SLC24A2: variants seen among roughly 807,000 people sequenced by gnomAD.
SLC24A2 encodes the protein solute carrier family 24 member 2.
A neutral mutation model predicts 62.0 loss-of-function variants in SLC24A2; 36 were observed. The observed-to-expected ratio is 0.58, with a 90% CI of 0.44 to 0.77. The LOEUF (loss-of-function observed/expected upper bound fraction) is 0.77. Among genes scored for constraint, SLC24A2 ranks in the 30% least tolerant of loss-of-function variants. The probability of loss-of-function intolerance (pLI) is 0.00; values close to 1 mark genes in which losing one functional copy is unlikely to be tolerated. For missense variants in SLC24A2, 846 were observed against 817.9 expected, an observed-to-expected ratio of 1.03 and a Z score of -0.42; for synonymous variants, 358 against 294.0, an observed-to-expected ratio of 1.22 and a Z score of -2.23.
chr9:19,770,556 T>C (rs1822654941), intron 2 of SLC24A2, among the ~76,000 whole-genome samples: 1 of 152,178 alleles, frequency 6.6e-6, no homozygotes, highest in Non-Finnish European at 1.5e-5. Flanking sequence ...TCCATTCCTA[T>C]TACCTTACTA....
chr9:19,972,999 T>C, the SLC24A2 span, among the ~76,000 whole-genome samples: 1 of 152,172 alleles, frequency 6.6e-6, no homozygotes, highest in Non-Finnish European at 1.5e-5. Context: ...ATCTTTCAAC[T>C]GGTGATCAGC....
the SLC24A2 span, among the ~76,000 whole-genome samples, chr9:20,283,395 G>A: frequency 6.6e-6 from 1 of 152,136 alleles, no homozygotes; most frequent in Admixed American, 6.6e-5. Flanking sequence ...TGTTAGCTCT[G>A]CTGGCAATTC....
chr9:20,057,951 T>C, the SLC24A2 span, among the ~76,000 whole-genome samples: 1 of 152,172 alleles, frequency 6.6e-6, no homozygotes, highest in Non-Finnish European at 1.5e-5. Flanking sequence ...CATGTTATTT[T>C]CCATTGGATT....
At chr9:19,942,449 G>A in the SLC24A2 span, among the ~76,000 whole-genome samples, 6 of 152,108 alleles carry the variant, frequency 3.9e-5, no homozygotes, top group African/African-American at 1.4e-4. Context: ...TGATATCGAG[G>A]TCACATTTCC....
intron 2 of SLC24A2, among the ~76,000 whole-genome samples, chr9:19,761,601 T>C (rs1226317035): frequency 1.3e-5 from 2 of 152,094 alleles, no homozygotes; most frequent in Non-Finnish European, 2.9e-5. Flanking sequence ...CATTTGGCAT[T>C]AGGTATATCT....
chr9:19,708,967 C>T (rs1177206790), intron 2 of SLC24A2, among the ~76,000 whole-genome samples: 2 of 152,044 alleles, frequency 1.3e-5, no homozygotes, highest in South Asian at 4.1e-4. Flanking sequence ...TAGTGAATGG[C>T]AACCTACAAA....
chr9:20,019,155 A>AAGAAAGAAAGAAAGAAAG, the SLC24A2 span, among the ~76,000 whole-genome samples: 51 of 117,086 alleles, frequency 4.4e-4, 1 homozygote, highest in Non-Finnish European at 8.3e-4. Flanking sequence ...GAAAGAAAGA[A>AAGAAAGAAAGAAAGAAAG]AGAGAGAGAG....
chr9:19,565,539 C>T (rs890679407), intron 7 of SLC24A2, among the ~76,000 whole-genome samples: 3 of 151,416 alleles, frequency 2.0e-5, no homozygotes, highest in African/African-American at 7.3e-5. Flanking sequence ...GGCCACACTG[C>T]CCAAGGTAAT....
the SLC24A2 span, among the ~76,000 whole-genome samples, chr9:20,243,465 A>T: frequency 6.6e-6 from 1 of 152,216 alleles, no homozygotes; most frequent in Non-Finnish European, 1.5e-5. Context: ...ATACATATAT[A>T]CATGAGTAGT....
the SLC24A2 span, among the ~76,000 whole-genome samples, chr9:20,258,865 TATCCATCC>T: frequency 3.6e-5 from 5 of 139,726 alleles, no homozygotes; most frequent in African/African-American, 8.1e-5. Flanking sequence ...AATGTCTATC[TATCCATCC>T]ATCCATCCAT....
the SLC24A2 span, among the ~76,000 whole-genome samples, chr9:19,911,048 T>C: frequency 6.8e-6 from 1 of 146,694 alleles, no homozygotes; most frequent in Non-Finnish European, 1.5e-5. Flanking sequence ...GGTGTATCTC[T>C]TAAAGCTATC....
chr9:19,536,199 T>A (rs894568637), intron 8 of SLC24A2, among the ~76,000 whole-genome samples: 174 of 150,346 alleles, frequency 1.2e-3, no homozygotes, highest in African/African-American at 4.3e-3. Flanking sequence ...ATTTTTTATT[T>A]ATTTATTTTT....
chr9:20,172,387 TAC>T, the SLC24A2 span, among the ~76,000 whole-genome samples: 1 of 151,474 alleles, frequency 6.6e-6, no homozygotes, highest in Non-Finnish European at 1.5e-5. Context: ...ACAAAAACAA[TAC>T]AAAAGACAAA....
the SLC24A2 span, among the ~76,000 whole-genome samples, chr9:19,864,384 C>G: frequency 6.6e-6 from 1 of 151,396 alleles, no homozygotes; most frequent in Non-Finnish European, 1.5e-5. Context: ...AAAACAACAA[C>G]AAAAAACAAA....
rs115917864 is a variant in SLC24A2, at chr9:19,599,677, A to C, written c.1079-2398T>G. On this transcript the variant is annotated intron_variant, in intron 4 of 10. Coordinates refer to ENST00000341998, the MANE Select transcript of SLC24A2 (RefSeq NM_020344.4). This position sits in a 1 kb window ranked among gnomAD's most constrained non-coding sequence, Gnocchi z 4.5. ...GCCCTCCTCCCTGAAGCAGGGACTC[A>C]GGAGGTGCAGAAAGAGAAATGACAT... 8.9e-3 allele frequency among the ~76,000 whole-genome samples: 1,358 copies of C among 152,292 alleles called. 23 individuals are homozygous for C. The highest frequency in any genetic ancestry group is 0.03 in the African/African-American group (1,239 of 41,556).
the SLC24A2 span, among the ~76,000 whole-genome samples, chr9:20,130,819 A>C: frequency 7.7e-4 from 117 of 152,236 alleles, no homozygotes; most frequent in African/African-American, 2.7e-3. Flanking sequence ...TGGTGGCCAG[A>C]GCTGTGTGGG....
At chr9:20,154,224 T>C in the SLC24A2 span, among the ~76,000 whole-genome samples, 1 of 151,980 alleles carries the variant, frequency 6.6e-6, no homozygotes, top group East Asian at 1.9e-4. Flanking sequence ...CCTGTGTGTA[T>C]ACTAAAATAA....
chr9:19,590,277 T>A (rs1187294835), intron 5 of SLC24A2, among the ~76,000 whole-genome samples: 1 of 152,212 alleles, frequency 6.6e-6, no homozygotes, highest in Non-Finnish European at 1.5e-5. Context: ...CATATCCAGA[T>A]GGCCCTGAAT....
intron 2 of SLC24A2, among the ~76,000 whole-genome samples, chr9:19,711,482 C>A (rs952969327): frequency 3.3e-5 from 5 of 152,130 alleles, no homozygotes; most frequent in African/African-American, 1.2e-4. Flanking sequence ...CATCCACTAC[C>A]AAAAGCTTAA....
Sources: allele counts gnomAD v4.1 joint callset (sites outside exome capture counted in the v4.1 genomes callset), GRCh38; gene constraint gnomAD v4.1.1; non-coding constraint Gnocchi (gnomAD v3.1); transcripts MANE v1.5; gene names NCBI Gene and HGNC (gene_info 2026-07-23, HGNC 2026-07-21).